Variants in KCNC2 observed in about 807,000 individuals in gnomAD.
The protein encoded by KCNC2 is voltage-gated potassium channel KCNC2.
A neutral mutation model predicts 44.5 loss-of-function variants in KCNC2; 21 were observed. The observed-to-expected ratio is 0.47, with a 90% CI of 0.33 to 0.68. The LOEUF (loss-of-function observed/expected upper bound fraction) is 0.68. KCNC2 is among the 30% of genes least tolerant of loss of function. KCNC2 has a pLI of 0.01. For missense variants in KCNC2, 589 were observed against 826.2 expected (o/e 0.71, Z 3.52); for synonymous variants, 391 against 339.1 (o/e 1.15, Z -1.68).
chr12:75,064,862 G>A (rs1592788367), intron 2 of KCNC2, among the ~76,000 whole-genome samples: 3 of 151,894 alleles, frequency 2.0e-5, no homozygotes, highest in Admixed American at 6.6e-5. Context: ...AAAGTATAAC[G>A]TTTACAACTG....
At chr12:75,104,661 C>T (rs878968900) in intron 2 of KCNC2, among the ~76,000 whole-genome samples, 13 of 152,244 alleles carry the variant, frequency 8.5e-5, no homozygotes, top group Admixed American at 8.5e-4. Context: ...AGAATTTATA[C>T]ATTCCAGGAC....
intron 2 of KCNC2, among the ~76,000 whole-genome samples, chr12:75,081,888 C>T (rs1347889908): frequency 1.3e-5 from 2 of 151,946 alleles, no homozygotes; most frequent in Admixed American, 6.6e-5. Flanking sequence ...TGTACCAAAT[C>T]TACAAGAGCC....
At chr12:75,102,812 C>A (rs1886477679) in intron 2 of KCNC2, among the ~76,000 whole-genome samples, 1 of 151,934 alleles carries the variant, frequency 6.6e-6, no homozygotes, top group Non-Finnish European at 1.5e-5. Context: ...ATACATCTCC[C>A]CCCCACCCAC....
At chr12:75,182,271 A>T (rs1385578229) in intron 2 of KCNC2, among the ~76,000 whole-genome samples, 1 of 151,824 alleles carries the variant, frequency 6.6e-6, no homozygotes, top group Non-Finnish European at 1.5e-5. Flanking sequence ...CACGCCTGTA[A>T]TCCAGCACTT....
intron 2 of KCNC2, among the ~76,000 whole-genome samples, chr12:75,136,952 C>T (rs1461097494): frequency 6.6e-6 from 1 of 152,104 alleles, no homozygotes; most frequent in African/African-American, 2.4e-5. Context: ...CAATCCATTG[C>T]CACACTCTCT....
intron 2 of KCNC2, among the ~76,000 whole-genome samples, chr12:75,074,614 G>T (rs1883744981): frequency 6.6e-6 from 1 of 152,086 alleles, no homozygotes; most frequent in South Asian, 2.1e-4. Context: ...GTAATTCAGT[G>T]GTTGGACATG....
At chr12:75,166,036 A>G (rs931477171) in intron 2 of KCNC2, among the ~76,000 whole-genome samples, 1 of 151,422 alleles carries the variant, frequency 6.6e-6, no homozygotes, top group Non-Finnish European at 1.5e-5. Flanking sequence ...AAGAAGCAAA[A>G]AAGTTGAAAG....
intron 2 of KCNC2, among the ~76,000 whole-genome samples, chr12:75,163,973 A>C (rs1445203802): frequency 6.6e-5 from 10 of 151,384 alleles, no homozygotes; most frequent in Non-Finnish European, 8.9e-5. Context: ...AATCCTACAC[A>C]CTCCTTTTTT....
chr12:75,125,531 C>T (rs1284269498), intron 2 of KCNC2, among the ~76,000 whole-genome samples: 1 of 152,112 alleles, frequency 6.6e-6, no homozygotes, highest in Non-Finnish European at 1.5e-5. Context: ...GTCTTAACTG[C>T]TCTATTTGCA....
chr12:75,166,881 C>T (rs1432682571), intron 2 of KCNC2, among the ~76,000 whole-genome samples: 2 of 150,900 alleles, frequency 1.3e-5, no homozygotes, highest in Non-Finnish European at 3.0e-5. Context: ...AACTTTCCAC[C>T]CTAAGAATTA....
chr12:75,109,143 T>C (rs1161136851), intron 2 of KCNC2, among the ~76,000 whole-genome samples: 2 of 152,230 alleles, frequency 1.3e-5, no homozygotes, highest in East Asian at 1.9e-4. Flanking sequence ...TTCATGTGAT[T>C]ATTTTAAAGT....
intron 2 of KCNC2, among the ~76,000 whole-genome samples, chr12:75,075,682 C>A (rs960623910): frequency 1.1e-4 from 17 of 151,912 alleles, no homozygotes; most frequent in African/African-American, 4.1e-4. Context: ...ATTGAACCTT[C>A]TGACTTAATA....
In KCNC2 at chr12:75,182,059, G is replaced by A. The variant is rs772586058; in HGVS notation, c.687+25238C>T. Among the ~76,000 whole-genome samples the A allele has an allele frequency of 5.7e-4, 86 of 149,914 alleles. 2 individuals carry two copies. The highest frequency in any genetic ancestry group is 1.1e-3 in the Non-Finnish European group (75 of 67,618). On this transcript the variant is annotated intron_variant, in intron 2 of 4. Coordinates refer to ENST00000549446, the MANE Select transcript of KCNC2 (RefSeq NM_139137.4). Reference sequence around the variant, plus strand: ...AGATGAGAGAACTGAGGGAAAGAGAGGGAAAGGTGCATGTCCAGAGGCACA... The same window carrying A: ...AGATGAGAGAACTGAGGGAAAGAGAAGGAAAGGTGCATGTCCAGAGGCACA...
chr12:75,103,859 T>C (rs573949294), intron 2 of KCNC2, among the ~76,000 whole-genome samples: 12 of 152,314 alleles, frequency 7.9e-5, no homozygotes, highest in African/African-American at 2.6e-4. Flanking sequence ...ATAAAAGCTA[T>C]GTGAAATGGT....
At chr12:75,072,999 T>A (rs34357517) in intron 2 of KCNC2, among the ~76,000 whole-genome samples, 25,207 of 151,530 alleles carry the variant, frequency 0.17, 2,526 homozygotes, top group Admixed American at 0.27. Flanking sequence ...TCTATTTATG[T>A]CCAAAAAAAA....
chr12:75,060,788 T>C (rs1193116101), intron 2 of KCNC2, among the ~76,000 whole-genome samples: 1 of 152,144 alleles, frequency 6.6e-6, no homozygotes, highest in Non-Finnish European at 1.5e-5. Flanking sequence ...TTTCCTAATA[T>C]GTTATTCAAG....
intron 4 of KCNC2, among the ~76,000 whole-genome samples, chr12:75,046,208 A>G (rs547681553): frequency 6.6e-6 from 1 of 151,854 alleles, no homozygotes; most frequent in South Asian, 2.1e-4. Context: ...TAAATTTTCA[A>G]TGATGTTCTC....
chr12:75,135,776 C>T (rs2137369733), intron 2 of KCNC2, among the ~76,000 whole-genome samples: 1 of 152,112 alleles, frequency 6.6e-6, no homozygotes, highest in Middle Eastern at 3.4e-3. Context: ...TATGCCCTAA[C>T]TTAGATATTT....
chr12:75,051,382 TC>T, intron 2 of KCNC2, 65 bp from the exon 3 acceptor site: 4 of 910,984 alleles, frequency 4.4e-6, no homozygotes, highest in Non-Finnish European at 6.5e-6. Context: ...TTGATTCTAA[TC>T]TAAAAGCAAC....
Sources: allele counts gnomAD v4.1 joint callset (sites outside exome capture counted in the v4.1 genomes callset), GRCh38; gene constraint gnomAD v4.1.1; transcripts MANE v1.5; gene names NCBI Gene and HGNC (gene_info 2026-07-23, HGNC 2026-07-21).